The following VWA8 variants were observed in gnomAD, a reference collection of about 807,000 sequenced individuals.
VWA8 encodes von Willebrand factor A domain containing 8, also known as von Willebrand factor A domain-containing protein 8.
In VWA8, 221 loss-of-function variants were observed where a neutral mutation model predicts 241.5. The observed-to-expected ratio is 0.91, with a 90% CI of 0.82 to 1.02. The LOEUF (loss-of-function observed/expected upper bound fraction) is 1.02. Ranked by LOEUF, VWA8 falls within the 50% of genes least tolerant of loss-of-function variation. The probability of loss-of-function intolerance (pLI) is 0.00; values close to 1 mark genes in which losing one functional copy is unlikely to be tolerated. For synonymous variants in VWA8, 852 were observed against 827.1 expected, an observed-to-expected ratio of 1.03 and a Z score of -0.52; for missense variants, 2,322 against 2,328.7, an observed-to-expected ratio of 1.00 and a Z score of 0.06.
At chr13:41,745,383 T>C (rs959977557) in intron 21 of VWA8, among the ~76,000 whole-genome samples, 2 of 152,104 alleles carry the variant, frequency 1.3e-5, no homozygotes, top group African/African-American at 4.8e-5. Context: ...AGTGAGAACA[T>C]GTGGTGTTTG....
chr13:41,648,000 AAAG>A (rs1265597264), intron 37 of VWA8, among the ~76,000 whole-genome samples: 2 of 152,184 alleles, frequency 1.3e-5, no homozygotes, highest in African/African-American at 4.8e-5. Context: ...GGAAAAAAAA[AAAG>A]AATTCAAGTC....
At chr13:41,712,479 A>G (rs1331153887) in intron 26 of VWA8, among the ~76,000 whole-genome samples, 3 of 152,234 alleles carry the variant, frequency 2.0e-5, no homozygotes, top group African/African-American at 7.2e-5. Context: ...CATTAATATG[A>G]GGAAAACTGT....
Position 41,604,437 on chromosome 13 carries a change from G to A in VWA8, c.4986+731C>T, listed in dbSNP as rs139415784. Among the ~76,000 whole-genome samples, 525 of 151,978 alleles carry A rather than the reference G, an allele frequency of 3.5e-3. 2 individuals carry two copies. Among genetic ancestry groups the A allele is most frequent in the African/African-American group, 0.012 (503 of 41,452 alleles). On this transcript the variant is annotated intron_variant, in intron 40 of 44. Transcript: ENST00000379310. ...AGAACTTTTATTAATCTCTGGATAC[G>A]GATTAGATCTTTTGAAAAAATAAGG...
chr13:41,897,698 C>T (rs1875184667), intron 4 of VWA8, among the ~76,000 whole-genome samples: 1 of 152,114 alleles, frequency 6.6e-6, no homozygotes, highest in East Asian at 1.9e-4. Context: ...GGCTCGTGGT[C>T]TCGCTGGCTT....
At chr13:41,930,260 G>A (rs184890478) in intron 2 of VWA8, among the ~76,000 whole-genome samples, 7 of 152,256 alleles carry the variant, frequency 4.6e-5, no homozygotes, top group South Asian at 2.1e-4. Context: ...AAAAGAGTGC[G>A]CACTGTTGGT....
At position 41,719,662 on chromosome 13, in the gene VWA8, T is replaced by C. The variant is rs2045370102; in HGVS notation, c.3045A>G (p.Ile1015Met). ...CGTATTTGTGTAAAGTGTTAATCAATATCTCCCTCATGTCATTGTTGTAGG... is the reference window on the plus strand; with the variant it reads ...CGTATTTGTGTAAAGTGTTAATCAACATCTCCCTCATGTCATTGTTGTAGG... ...FDSYNNDMRE[I>M]LINTLHKYGI... Residue 1015 changes from isoleucine to methionine, a missense_variant, in exon 26 of 45, where the codon ATA (isoleucine) becomes ATG (methionine). Transcript: ENST00000379310. 1.2e-6 allele frequency: 2 copies of C among 1,613,154 alleles called. No individual in the cohort carries two copies. Among genetic ancestry groups the C allele is most frequent in the African/African-American group, 1.3e-5 (1 of 74,868 alleles).
intron 19 of VWA8, among the ~76,000 whole-genome samples, chr13:41,779,258 AATATAC>A (rs1174357284): frequency 2.7e-5 from 4 of 148,376 alleles, no homozygotes; most frequent in South Asian, 4.2e-4. Flanking sequence ...TAAATATTAA[AATATAC>A]ATATACATAC....
intron 37 of VWA8, among the ~76,000 whole-genome samples, chr13:41,640,992 T>C (rs2044792082): frequency 6.6e-6 from 1 of 152,110 alleles, no homozygotes; most frequent in Non-Finnish European, 1.5e-5. Flanking sequence ...TAGAAGATTG[T>C]GGAATCAGTC....
chr13:41,595,812 T>A (rs965464924), intron 40 of VWA8, among the ~76,000 whole-genome samples: 4 of 152,142 alleles, frequency 2.6e-5, no homozygotes, highest in African/African-American at 9.6e-5. Flanking sequence ...ACTGAACATG[T>A]CTTTTGGAGC....
At chr13:41,807,221 T>G (rs1870253303) in intron 17 of VWA8, among the ~76,000 whole-genome samples, 2 of 152,140 alleles carry the variant, frequency 1.3e-5, no homozygotes, top group African/African-American at 4.8e-5. Flanking sequence ...AAGAAAAGCC[T>G]GGGCCCTGAT....
intron 39 of VWA8, among the ~76,000 whole-genome samples, 182 bp from the exon 40 acceptor site, chr13:41,605,458 T>C (rs1434295955): frequency 6.6e-6 from 1 of 152,114 alleles, no homozygotes; most frequent in Non-Finnish European, 1.5e-5. Context: ...TAACATCCAG[T>C]AGTGTGCTAG....
chr13:41,626,755 T>C (rs1180104135), intron 37 of VWA8, among the ~76,000 whole-genome samples: 2 of 152,106 alleles, frequency 1.3e-5, no homozygotes, highest in Non-Finnish European at 2.9e-5. Context: ...TTTCACCACA[T>C]ACAAAAATCA....
chr13:41,641,136 C>A (rs1253801724), intron 37 of VWA8, among the ~76,000 whole-genome samples: 8 of 152,066 alleles, frequency 5.3e-5, no homozygotes, highest in Non-Finnish European at 1.2e-4. Flanking sequence ...CAAGCACGCA[C>A]CCTGAATGAA....
chr13:41,570,511 C>G lies in VWA8; in HGVS notation c.5566G>C (p.Ala1856Pro). 1 of 1,614,180 alleles carries G rather than the reference C, an allele frequency of 6.2e-7. No individual in the cohort carries two copies. The highest frequency in any genetic ancestry group is 8.5e-7 in the Non-Finnish European group (1 of 1,180,024). Residue 1856 changes from alanine to proline, a missense_variant, in exon 44 of 45, where the codon GCT (alanine) becomes CCT (proline). Physicochemically the swap from Ala to Pro is conservative, Grantham distance 27. Coordinates refer to ENST00000379310, the MANE Select transcript of VWA8 (RefSeq NM_015058.2). Reference protein sequence around the residue: ...QILTRDPQVNAFAIFIGSLGD... With the variant: ...QILTRDPQVNPFAIFIGSLGD... Reference sequence around the variant, plus strand: ...AAAGAGCCAATAAAAATGGCAAAAGCATTTACTTGAGGGTCTCTTGTGAGG... The same window carrying G: ...AAAGAGCCAATAAAAATGGCAAAAGGATTTACTTGAGGGTCTCTTGTGAGG...
intron 10 of VWA8, among the ~76,000 whole-genome samples, chr13:41,867,708 T>C (rs1873377434): frequency 6.6e-6 from 1 of 152,106 alleles, no homozygotes; most frequent in Non-Finnish European, 1.5e-5. Context: ...TAATATCAAA[T>C]ATTAAAACAA....
intron 30 of VWA8, 108 bp downstream of exon 30, chr13:41,692,754 G>A (rs1397999398): frequency 5.5e-6 from 4 of 726,636 alleles, no homozygotes; most frequent in African/African-American, 3.6e-5. Flanking sequence ...ATTCTCTTGT[G>A]CATTACAACA....
intron 2 of VWA8, among the ~76,000 whole-genome samples, chr13:41,927,527 C>A (rs1002088921): frequency 6.6e-6 from 1 of 151,104 alleles, no homozygotes; most frequent in African/African-American, 2.4e-5. Context: ...CCAAATAAAC[C>A]ATTTGTCTCC....
chr13:41,633,501 T>C (rs1343278438), intron 37 of VWA8, among the ~76,000 whole-genome samples: 1 of 152,146 alleles, frequency 6.6e-6, no homozygotes, highest in Non-Finnish European at 1.5e-5. Flanking sequence ...TCCTGGAACT[T>C]ATGGGGGCAA....
At chr13:41,605,118 G>A in intron 40 of VWA8, 50 bp downstream of exon 40, 1 of 1,569,880 alleles carries the variant, frequency 6.4e-7, no homozygotes, top group Non-Finnish European at 8.8e-7. Flanking sequence ...TTAGGAATGT[G>A]TCCAGGTTTG....
Sources: allele counts gnomAD v4.1 joint callset (sites outside exome capture counted in the v4.1 genomes callset), GRCh38; gene constraint gnomAD v4.1.1; transcripts MANE v1.5; gene names NCBI Gene and HGNC (gene_info 2026-07-23, HGNC 2026-07-21).